SIN3A: variants seen among roughly 807,000 people sequenced by gnomAD.
SIN3A encodes SIN3 transcription regulator family member A, also known as paired amphipathic helix protein Sin3a.
A neutral mutation model predicts 146.1 loss-of-function variants in SIN3A; 14 were observed. That is an observed-to-expected ratio of 0.10 (90% CI 0.06 to 0.15). SIN3A has a LOEUF of 0.15. Among genes scored for constraint, SIN3A ranks in the 10% least tolerant of loss-of-function variants. SIN3A has a pLI of 1.00. For missense variants in SIN3A, 1,028 were observed against 1,576.0 expected (o/e 0.65, Z 5.89); for synonymous variants, 572 against 572.0 (o/e 1.00, Z 0.00).
At chr15:75,428,641 A>G (rs2073965242) in intron 2 of SIN3A, among the ~76,000 whole-genome samples, 1 of 152,128 alleles carries the variant, frequency 6.6e-6, no homozygotes, top group African/African-American at 2.4e-5. Context: ...CTAGGAACAC[A>G]AGTGTGCACC....
rs891076200 is a variant in SIN3A at position 75,427,072 on chromosome 15, T to TA, written c.189+3114dup. ...AAAAAGTCATTTTATATCCTTTTTT[T>TA]AAAAAAAAATCAAAGTGTGGCAGGG... On this transcript the variant is annotated intron_variant, in intron 2 of 20. Transcript: ENST00000394947. Among the ~76,000 whole-genome samples the TA allele has an allele frequency of 1.8e-4, 27 of 151,696 alleles. No homozygotes were observed. The South Asian group carries it at 3.1e-3, about 18-fold the overall frequency.
intron 3 of SIN3A, 93 bp from the exon 4 acceptor site, chr15:75,414,404 C>T (rs2073697558): frequency 5.9e-6 from 3 of 509,994 alleles, no homozygotes; most frequent in Non-Finnish European, 9.8e-6. Flanking sequence ...CCTAAGTATG[C>T]TTAATGCAGT....
At chr15:75,447,314 T>C (rs923642084) in intron 1 of SIN3A, among the ~76,000 whole-genome samples, 4 of 152,180 alleles carry the variant, frequency 2.6e-5, no homozygotes, top group South Asian at 2.1e-4. Flanking sequence ...TAATTCTGGA[T>C]AGTATTTTGA....
At position 75,389,806 on chromosome 15, in the gene SIN3A, T is replaced by C; in HGVS notation, c.2867A>G (p.Glu956Gly). Reference sequence around the variant, plus strand: ...GTCCAGGAAAGCTGGGTAATAATCTTCTACATCAACATCCACTGTGGGAGA... The same window carrying C: ...GTCCAGGAAAGCTGGGTAATAATCTCCTACATCAACATCCACTGTGGGAGA... ...RLKEPMDVDV[E>G]DYYPAFLDMV... is the part of the protein sequence containing the mutation. The change falls in exon 16 of 21, where the codon GAA becomes GGA. Residue 956 changes from glutamate (E) to glycine (G), a missense_variant. Glu to Gly is a moderately conservative substitution (Grantham distance 98). Coordinates refer to ENST00000394947, the MANE Select transcript of SIN3A (RefSeq NM_001145358.2). 6.2e-7 allele frequency: 1 copy of C among 1,614,110 alleles called. No homozygotes were observed. Among genetic ancestry groups the C allele is most frequent in the South Asian group, 1.1e-5 (1 of 91,078 alleles).
intron 14 of SIN3A, among the ~76,000 whole-genome samples, chr15:75,393,092 T>C (rs1170481403): frequency 6.6e-6 from 1 of 152,076 alleles, no homozygotes; most frequent in Non-Finnish European, 1.5e-5. Context: ...TAGCTGAACA[T>C]GGTGGTAGGT....
intron 1 of SIN3A, among the ~76,000 whole-genome samples, chr15:75,440,647 T>C (rs1033124817): frequency 2.6e-5 from 4 of 152,154 alleles, no homozygotes; most frequent in Non-Finnish European, 5.9e-5. Context: ...ATGTCATGCA[T>C]GAACTTGGAA....
chr15:75,416,480 C>T (rs1403517243), intron 3 of SIN3A, among the ~76,000 whole-genome samples: 2 of 152,214 alleles, frequency 1.3e-5, no homozygotes, highest in East Asian at 3.8e-4. Flanking sequence ...CACCCGCCAG[C>T]ATGCCTGGCT....
intron 16 of SIN3A, among the ~76,000 whole-genome samples, chr15:75,385,425 C>A (rs541074935): frequency 6.6e-6 from 1 of 152,204 alleles, no homozygotes; most frequent in Admixed American, 6.5e-5. Flanking sequence ...ACTTTCCATA[C>A]AGGCCAATCA....
rs200047225 is a variant in SIN3A, at chr15:75,371,975, G to A, written c.*4C>T. Reference sequence around the variant, plus strand: ...ACCCCAAGTTATCTGCTCTGGCTTTGCAGTTAAGGGGCTTTGAATACTGTG... The same window carrying A: ...ACCCCAAGTTATCTGCTCTGGCTTTACAGTTAAGGGGCTTTGAATACTGTG... On this transcript the variant is annotated 3_prime_UTR_variant, in exon 21 of 21. Coordinates refer to ENST00000394947, the MANE Select transcript of SIN3A (RefSeq NM_001145358.2). 6.2e-7 allele frequency: 1 copy of A among 1,612,850 alleles called. No individual in the cohort carries two copies. Among genetic ancestry groups the A allele is most frequent in the Non-Finnish European group, 8.5e-7 (1 of 1,178,800 alleles).
chr15:75,420,704 T>C (rs959590261), intron 3 of SIN3A: 1 of 152,228 alleles, frequency 6.6e-6, no homozygotes, highest in Non-Finnish European at 1.5e-5. Context: ...TTATAGAATA[T>C]AAATGATTTA....
rs773340650 is a variant in SIN3A, at chr15:75,389,820, C to G, written c.2853G>C (p.Met951Ile). ...GGTAATAATCTTCTACATCAACATC[C>G]ACTGTGGGAGAGATGGGATTGGTGA... ...PAIQLRLKEP[M>I]DVDVEDYYPA... Residue 951 changes from methionine (M) to isoleucine (I), a missense_variant and splice_region_variant, in exon 16 of 21, where the codon ATG (methionine) becomes ATC (isoleucine). Transcript: ENST00000394947. The G allele has an allele frequency of 1.2e-6, 2 of 1,613,870 alleles. No individual in the cohort carries two copies. The highest frequency in any genetic ancestry group is 1.7e-6 in the Non-Finnish European group (2 of 1,179,838).
In SIN3A at chr15:75,369,567, C is replaced by G. The variant is rs946358911; in HGVS notation, c.*2412G>C. ...TCAGACAGCAGGAGGAATAAAAATG[C>G]TACTTGTGAAAACCCAGGCTGTAGG... On this transcript the variant is annotated 3_prime_UTR_variant, in exon 21 of 21. Transcript: ENST00000394947. 1 of 152,180 alleles carries G rather than the reference C, an allele frequency of 6.6e-6. No individual in the cohort carries two copies. The highest frequency in any genetic ancestry group is 1.5e-5 in the Non-Finnish European group (1 of 68,040). The allele number at this position is 152,180 out of a possible 1,614,324, so 9.4% of individuals were successfully genotyped here.
In SIN3A at chr15:75,446,242, A is replaced by T. The variant is rs1435068696; in HGVS notation, c.-34+5181T>A. The T allele has an allele frequency of 9.2e-5, 14 of 151,728 alleles. No individual in the cohort carries two copies. In the Admixed American group the frequency reaches 9.2e-4, roughly 10 times the overall value. The allele number at this position is 151,728 out of a possible 1,614,324, so 9.4% of individuals were successfully genotyped here. A position where few individuals can be genotyped will look rare whatever the true frequency, so the allele number is the denominator to read the frequency against. ...GTCAGATAATACCTACTGATAAGGT[A>T]ACTTCTGAGTAAAGGAAGTGAGGGA... On this transcript the variant is annotated intron_variant, in intron 1 of 20. Coordinates refer to ENST00000394947, the MANE Select transcript of SIN3A (RefSeq NM_001145358.2).
chr15:75,427,090 T>C (rs1348487724), intron 2 of SIN3A, among the ~76,000 whole-genome samples: 1 of 151,824 alleles, frequency 6.6e-6, no homozygotes, highest in Non-Finnish European at 1.5e-5. Flanking sequence ...AATCAAAGTG[T>C]GGCAGGGTGC....
At chr15:75,385,592 T>G (rs1233002514) in intron 16 of SIN3A, among the ~76,000 whole-genome samples, 2 of 152,154 alleles carry the variant, frequency 1.3e-5, no homozygotes, top group Non-Finnish European at 2.9e-5. Flanking sequence ...AAGTGAAAAA[T>G]AGATACAAGA....
At position 75,371,871 on chromosome 15, in the gene SIN3A, G is replaced by A; in HGVS notation, c.*108C>T. ...GGTCAGGTGGCCATGTCCCAGAGAG[G>A]CCCAGTGAGGCTTGAAAGGCATCTT... On this transcript the variant is annotated 3_prime_UTR_variant, in exon 21 of 21. Coordinates refer to ENST00000394947, the MANE Select transcript of SIN3A (RefSeq NM_001145358.2). 1.0e-6 allele frequency: 1 copy of A among 986,290 alleles called. No individual in the cohort carries two copies. The highest frequency in any genetic ancestry group is 1.5e-6 in the Non-Finnish European group (1 of 648,116). 61.1% of individuals were successfully genotyped at this position (986,290 alleles called of 1,614,324 possible).
At chr15:75,406,017 C>G (rs1428738854) in intron 9 of SIN3A, among the ~76,000 whole-genome samples, 1 of 152,116 alleles carries the variant, frequency 6.6e-6, no homozygotes, top group Non-Finnish European at 1.5e-5. Flanking sequence ...CACATAGGCA[C>G]AGCAGACAGA....
chr15:75,370,060 G>A lies in SIN3A; in HGVS notation c.*1919C>T, dbSNP rs1021736890. The A allele has an allele frequency of 2.6e-5, 4 of 151,966 alleles. No individual in the cohort carries two copies. The highest frequency in any genetic ancestry group is 7.3e-5 in the African/African-American group (3 of 41,266). The allele number at this position is 151,966 out of a possible 1,614,324, so 9.4% of individuals were successfully genotyped here. On this transcript the variant is annotated 3_prime_UTR_variant, in exon 21 of 21. Coordinates refer to ENST00000394947, the MANE Select transcript of SIN3A (RefSeq NM_001145358.2). ...AGGCCAGGAGTTTGAGACCAACCTG[G>A]GCAGCATAGCAAGACCCTGTCTCTA...
chr15:75,410,579 G>A (rs2073615088), intron 6 of SIN3A, among the ~76,000 whole-genome samples: 1 of 151,862 alleles, frequency 6.6e-6, no homozygotes, highest in African/African-American at 2.4e-5. Context: ...TGGGATTACA[G>A]GCGTGAGACA....
Sources: gnomAD v4.1 joint callset for allele counts (sites outside exome capture counted in the v4.1 genomes callset) on GRCh38, gnomAD v4.1.1 for gene constraint, MANE v1.5 for transcripts, NCBI Gene and HGNC (gene_info 2026-07-23, HGNC 2026-07-21) for gene names.